The following TEX11 variants were observed in gnomAD, a reference collection of about 807,000 sequenced individuals.
TEX11 encodes the protein testis expressed 11, also known as testis-expressed protein 11.
In TEX11, 7 loss-of-function variants were observed where a neutral mutation model predicts 84.4. That is an observed-to-expected ratio of 0.08 (90% CI 0.05 to 0.16). The LOEUF is 0.16. Ranked by LOEUF, TEX11 falls within the 10% of genes least tolerant of loss-of-function variation. TEX11 has a pLI of 1.00. For synonymous variants in TEX11, 264 were observed against 222.8 expected (o/e 1.18, Z -1.64); for missense variants, 551 against 660.5 (o/e 0.83, Z 1.82).
chrX:70,623,831 C>A (rs1012234461), intron 20 of TEX11, 119 bp downstream of exon 20: 1 of 539,372 alleles, frequency 1.9e-6, no homozygotes, highest in Admixed American at 3.8e-5. Context: ...GGAAGACTGG[C>A]CCCAAAACCT....
intron 2 of TEX11, among the ~76,000 whole-genome samples, chrX:70,901,820 G>GTA (rs966736952): frequency 8.9e-6 from 1 of 112,472 alleles, no homozygotes; most frequent in African/African-American, 3.2e-5. Flanking sequence ...AGGCTATATG[G>GTA]TATAGCCTAT....
chrX:70,647,910 T>C (rs1023705750), intron 17 of TEX11, among the ~76,000 whole-genome samples: 4 of 111,315 alleles, frequency 3.6e-5, no homozygotes, highest in African/African-American at 9.8e-5. Flanking sequence ...ATCCCATTAC[T>C]GGGTATATAC....
intron 13 of TEX11, among the ~76,000 whole-genome samples, chrX:70,696,037 A>C (rs997132979): frequency 3.6e-5 from 4 of 111,677 alleles, no homozygotes; most frequent in Non-Finnish European, 7.5e-5. Context: ...CAGGGTATGA[A>C]AACTGTGCAC....
At chrX:70,546,800 G>A (rs777939647) in intron 28 of TEX11, among the ~76,000 whole-genome samples, 6 of 110,666 alleles carry the variant, frequency 5.4e-5, no homozygotes, top group South Asian at 3.9e-4. Context: ...CAAACAGACT[G>A]CAGCTCCTCC....
intron 17 of TEX11, among the ~76,000 whole-genome samples, chrX:70,630,332 A>G (rs1347658769): frequency 9.5e-6 from 1 of 105,696 alleles, no homozygotes; most frequent in Non-Finnish European, 1.9e-5. Context: ...AAAAAAAAAG[A>G]GTAAAATATG....
intron 9 of TEX11, among the ~76,000 whole-genome samples, chrX:70,780,706 A>G (rs2091033432): frequency 1.8e-5 from 2 of 112,596 alleles, no homozygotes; most frequent in Admixed American, 1.9e-4. Flanking sequence ...GCTCACTGCT[A>G]GCGCATCAGT....
At chrX:70,569,438 G>A (rs186184083) in intron 25 of TEX11, among the ~76,000 whole-genome samples, 96 of 112,099 alleles carry the variant, frequency 8.6e-4, no homozygotes, top group East Asian at 2.5e-3. Flanking sequence ...GCTTTGTTCC[G>A]TTGCTGGTAA....
rs1209072520 is a variant in TEX11 at position 70,750,694 on chromosome X, T to C, written c.693-6475A>G. ...GAACAAAAAACCAAACACCGCATATTCTCACTCATAGGTGGGAATTGAACA... is the reference window on the plus strand; with the variant it reads ...GAACAAAAAACCAAACACCGCATATCCTCACTCATAGGTGGGAATTGAACA... On this transcript the variant is annotated intron_variant, in intron 9 of 29. Coordinates refer to ENST00000374333, the MANE Select transcript of TEX11 (RefSeq NM_031276.3). 2.1e-5 allele frequency among the ~76,000 whole-genome samples: 2 copies of C among 96,789 alleles called. 1 individual carries two copies. The highest frequency in any genetic ancestry group is 2.3e-4 in the Admixed American group (2 of 8,597). 84.0% of individuals were successfully genotyped at this position (96,789 alleles called of 115,157 possible).
At chrX:70,623,371 A>G (rs1276556098) in intron 20 of TEX11, among the ~76,000 whole-genome samples, 4 of 112,009 alleles carry the variant, frequency 3.6e-5, no homozygotes, top group Non-Finnish European at 1.9e-5. Flanking sequence ...CGAATTGTTA[A>G]GTTTTAATAT....
At chrX:70,788,560 A>G (rs2091093671) in intron 9 of TEX11, among the ~76,000 whole-genome samples, 2 of 110,170 alleles carry the variant, frequency 1.8e-5, no homozygotes, top group Non-Finnish European at 3.8e-5. Context: ...AATACAAAAA[A>G]AACCAATACT....
intron 20 of TEX11, among the ~76,000 whole-genome samples, chrX:70,622,029 A>G (rs2089401398): frequency 1.8e-5 from 2 of 111,820 alleles, no homozygotes; most frequent in South Asian, 7.5e-4. Flanking sequence ...GTACTTAGGT[A>G]GATACTGCTC....
intron 24 of TEX11, among the ~76,000 whole-genome samples, chrX:70,603,576 A>C (rs4844136): frequency 1.9e-5 from 2 of 107,898 alleles, no homozygotes; most frequent in African/African-American, 3.4e-5. Flanking sequence ...AGACTTAAAC[A>C]TTCGACCTAA....
chrX:70,623,491 G>C (rs752698545), intron 20 of TEX11, among the ~76,000 whole-genome samples: 1 of 112,164 alleles, frequency 8.9e-6, no homozygotes, highest in East Asian at 2.8e-4. Flanking sequence ...GGGAAAGTAA[G>C]AGATATGTCT....
At chrX:70,800,916 G>C (rs974532320) in intron 9 of TEX11, among the ~76,000 whole-genome samples, 2 of 110,800 alleles carry the variant, frequency 1.8e-5, no homozygotes, top group Non-Finnish European at 3.8e-5. Context: ...CTTACTTCTT[G>C]AACCCCCTTT....
chrX:70,781,453 G>A (rs1425511628), intron 9 of TEX11, among the ~76,000 whole-genome samples: 4 of 111,900 alleles, frequency 3.6e-5, no homozygotes, highest in African/African-American at 1.3e-4. Flanking sequence ...AACAAAGCTG[G>A]ATGGAGAATG....
intron 24 of TEX11, among the ~76,000 whole-genome samples, chrX:70,595,152 G>GCT (rs2088988132): frequency 9.0e-6 from 1 of 111,313 alleles, no homozygotes; most frequent in Admixed American, 9.6e-5. Context: ...CGCGATCTTG[G>GCT]CTCACTGCAA....
chrX:70,552,761 A>C (rs779008554), intron 27 of TEX11, among the ~76,000 whole-genome samples: 2 of 111,932 alleles, frequency 1.8e-5, no homozygotes, highest in South Asian at 3.8e-4. Flanking sequence ...TCGGTGCTTA[A>C]AGTGCTTAGA....
intron 14 of TEX11, among the ~76,000 whole-genome samples, chrX:70,679,280 G>C (rs770392730): frequency 3.6e-5 from 4 of 110,846 alleles, no homozygotes; most frequent in African/African-American, 1.3e-4. Context: ...GCGTGATCTC[G>C]GCTCGCTACA....
chrX:70,729,469 C>A (rs1402409755), intron 11 of TEX11, among the ~76,000 whole-genome samples: 1 of 111,754 alleles, frequency 8.9e-6, no homozygotes, highest in East Asian at 2.8e-4. Context: ...CTTAAAGGAC[C>A]TGATGGAGCT....
Sources: allele counts gnomAD v4.1 joint callset (sites outside exome capture counted in the v4.1 genomes callset), GRCh38; gene constraint gnomAD v4.1.1; transcripts MANE v1.5; gene names NCBI Gene and HGNC (gene_info 2026-07-23, HGNC 2026-07-21).